The following SAMD5 variants were observed in gnomAD, a reference collection of about 807,000 sequenced individuals.
SAMD5 encodes the protein sterile alpha motif domain containing 5, also known as sterile alpha motif domain-containing protein 5.
In SAMD5, 13 loss-of-function variants were observed where a neutral mutation model predicts 11.3. The ratio of observed to expected loss-of-function variants is 1.15; its 90% CI spans 0.75 to 1.83. SAMD5 has a LOEUF of 1.83. SAMD5 is among the 40% of genes most tolerant of loss of function. SAMD5 has a pLI of 0.00. For missense variants in SAMD5, 255 were observed against 239.1 expected (o/e 1.07, Z -0.44); for synonymous variants, 129 against 111.3 (o/e 1.16, Z -1.00).
the SAMD5 span, among the ~76,000 whole-genome samples, chr6:147,932,128 A>G: frequency 6.6e-6 from 1 of 152,174 alleles, no homozygotes; most frequent in African/African-American, 2.4e-5. Context: ...TTTTATCATT[A>G]TATATAGCAT....
At chr6:147,662,248 C>T in intron 1 of SAMD5, among the ~76,000 whole-genome samples, 1 of 152,152 alleles carries the variant, frequency 6.6e-6, no homozygotes, top group East Asian at 1.9e-4. Context: ...TGAAGTCCAT[C>T]CCATTTTTTA....
chr6:147,791,700 A>T, the SAMD5 span, among the ~76,000 whole-genome samples: 290 of 152,310 alleles, frequency 1.9e-3, 3 homozygotes, highest in African/African-American at 6.4e-3. Flanking sequence ...CTTAATTTTT[A>T]AAAAAATTTT....
At chr6:147,896,111 C>T in the SAMD5 span, among the ~76,000 whole-genome samples, 2 of 152,182 alleles carry the variant, frequency 1.3e-5, no homozygotes, top group Non-Finnish European at 2.9e-5. Context: ...TGATAGTGCA[C>T]CTGAGGACTT....
intron 1 of SAMD5, among the ~76,000 whole-genome samples, chr6:147,731,228 C>G (rs540226297): frequency 1.3e-5 from 2 of 152,146 alleles, no homozygotes; most frequent in Non-Finnish European, 2.9e-5. Flanking sequence ...CACCATCTCC[C>G]CATTTGAAGT....
At chr6:147,539,447 C>A (rs1788564676) in intron 1 of SAMD5, among the ~76,000 whole-genome samples, 1 of 152,182 alleles carries the variant, frequency 6.6e-6, no homozygotes. Context: ...CACCAAAGTT[C>A]TTTCATAATG....
intron 1 of SAMD5, among the ~76,000 whole-genome samples, chr6:147,726,162 A>G (rs1400394312): frequency 6.6e-6 from 1 of 152,198 alleles, no homozygotes; most frequent in African/African-American, 2.4e-5. Flanking sequence ...TTCTGCTTCA[A>G]TGAGGCTGTT....
chr6:147,805,083 C>T, the SAMD5 span, among the ~76,000 whole-genome samples: 1 of 152,192 alleles, frequency 6.6e-6, no homozygotes, highest in Non-Finnish European at 1.5e-5. Context: ...ATGGCAATCT[C>T]TTTCTTTTAT....
chr6:147,695,003 G>C (rs1791155928), intron 1 of SAMD5, among the ~76,000 whole-genome samples: 1 of 152,158 alleles, frequency 6.6e-6, no homozygotes, highest in African/African-American at 2.4e-5. Flanking sequence ...CCCATAATAT[G>C]AAAGTCTCAT....
At chr6:147,710,208 T>G (rs1791377211) in intron 1 of SAMD5, among the ~76,000 whole-genome samples, 3 of 152,148 alleles carry the variant, frequency 2.0e-5, no homozygotes, top group Non-Finnish European at 4.4e-5. Context: ...AATCTAGACT[T>G]TCCCTGCTAT....
chr6:147,772,381 A>G, the SAMD5 span, among the ~76,000 whole-genome samples: 7 of 152,116 alleles, frequency 4.6e-5, no homozygotes, highest in African/African-American at 1.7e-4. Flanking sequence ...GCATTTTAAA[A>G]TATTTCACAT....
chr6:147,579,517 G>C (rs1328057744), intron 1 of SAMD5, among the ~76,000 whole-genome samples: 2 of 124,298 alleles, frequency 1.6e-5, no homozygotes, highest in Non-Finnish European at 1.6e-5. Flanking sequence ...GCAGGCTAAA[G>C]TGCAGCAGTG....
chr6:147,600,191 G>A (rs769049424), intron 1 of SAMD5, among the ~76,000 whole-genome samples: 24 of 152,138 alleles, frequency 1.6e-4, no homozygotes, highest in South Asian at 4.1e-4. Flanking sequence ...GGAAAGGGTC[G>A]TAGGAATGGT....
At position 147,711,445 on chromosome 6, in the gene SAMD5, A is replaced by G. The variant is rs1791399211; in HGVS notation, c.163-25872A>G. On this transcript the variant is annotated intron_variant, in intron 1 of 1. Transcript: ENST00000566741. The surrounding 1 kb of genome is among the most constrained non-coding windows in gnomAD (Gnocchi z 4.1). ...GTCTTGATCAAGCCAGGCCGCTCTA[A>G]TTCTCAGCTGCTTCTCATTAGCCAA... is the stretch of plus-strand genomic sequence containing the variant. Among the ~76,000 whole-genome samples, 1 of 152,192 alleles carries G rather than the reference A, an allele frequency of 6.6e-6. No individual in the cohort carries two copies. The highest frequency in any genetic ancestry group is 6.5e-5 in the Admixed American group (1 of 15,286).
Position 147,711,495 on chromosome 6 carries a change from A to G in SAMD5, c.163-25822A>G, listed in dbSNP as rs1236988972. Among the ~76,000 whole-genome samples the G allele has an allele frequency of 2.0e-5, 3 of 152,250 alleles. No homozygotes were observed. The highest frequency in any genetic ancestry group is 7.2e-5 in the African/African-American group (3 of 41,464). ...AGATTCCTGCACTTTAGGCTGAAAT[A>G]GAAAGAAGCTCAAAACAAACCCACT... is the stretch of plus-strand genomic sequence containing the variant. On this transcript the variant is annotated intron_variant, in intron 1 of 1. Transcript: ENST00000566741. The surrounding 1 kb of genome is among the most constrained non-coding windows in gnomAD (Gnocchi z 4.1).
At chr6:147,570,897 G>A (rs1789126838), downstream of SAMD5, among the ~76,000 whole-genome samples, 1 of 152,200 alleles carries the variant, frequency 6.6e-6, no homozygotes, top group Admixed American at 6.5e-5. Context: ...GTTGGTGGCA[G>A]ACGATTGGCG....
chr6:147,552,211 T>G (rs1788786487), intron 1 of SAMD5, among the ~76,000 whole-genome samples: 1 of 152,190 alleles, frequency 6.6e-6, no homozygotes, highest in Non-Finnish European at 1.5e-5. Flanking sequence ...TAAGGCTAAC[T>G]GTGGGAGATT....
At chr6:147,781,104 A>G in the SAMD5 span, among the ~76,000 whole-genome samples, 1 of 151,870 alleles carries the variant, frequency 6.6e-6, no homozygotes, top group African/African-American at 2.4e-5. Context: ...AATGAAAAAT[A>G]ATTTTGTCAT....
At chr6:147,922,442 A>T in the SAMD5 span, among the ~76,000 whole-genome samples, 1 of 152,204 alleles carries the variant, frequency 6.6e-6, no homozygotes, top group Non-Finnish European at 1.5e-5. Context: ...GTTGTTAGGA[A>T]AAATTTCTCT....
chr6:147,654,002 A>G (rs1463068674), intron 1 of SAMD5, among the ~76,000 whole-genome samples: 1 of 152,220 alleles, frequency 6.6e-6, no homozygotes, highest in African/African-American at 2.4e-5. Context: ...ACACGAATTT[A>G]ATCCACAGTT....
Sources: gnomAD v4.1 joint callset for allele counts (sites outside exome capture counted in the v4.1 genomes callset) on GRCh38, gnomAD v4.1.1 for gene constraint, Gnocchi (gnomAD v3.1) non-coding constraint, MANE v1.5 for transcripts, NCBI Gene and HGNC (gene_info 2026-07-23, HGNC 2026-07-21) for gene names.